Variants in KDM4C observed in about 807,000 individuals in gnomAD.
The protein encoded by KDM4C is lysine demethylase 4C.
KDM4C carries 81 observed loss-of-function variants against 129.3 expected under a neutral mutation model. That is an observed-to-expected ratio of 0.63 (90% confidence interval 0.52 to 0.75). KDM4C has a LOEUF of 0.75. KDM4C is among the 30% of genes least tolerant of loss of function. KDM4C has a pLI of 0.00. For missense variants in KDM4C, 1,457 were observed against 1,304.0 expected (o/e 1.12, Z -1.81); for synonymous variants, 573 against 456.1 (o/e 1.26, Z -3.26).
At chr9:6,993,697 G>A (rs1048091116) in intron 12 of KDM4C, among the ~76,000 whole-genome samples, 3 of 152,150 alleles carry the variant, frequency 2.0e-5, no homozygotes, top group African/African-American at 7.2e-5. Flanking sequence ...CTCTGGCCAT[G>A]GAACGTACTA....
At chr9:6,726,582 G>A (rs1817138921) in intron 1 of KDM4C, 1 of 152,384 alleles carries the variant, frequency 6.6e-6, no homozygotes, top group East Asian at 1.9e-4. Flanking sequence ...TGGCTACCAT[G>A]GTCACCCTCC....
rs199601028 is a variant in KDM4C at position 6,732,089 on chromosome 9, T to C, written c.49+11092T>C. Among the ~76,000 whole-genome samples, 116 of 152,068 alleles carry C rather than the reference T, an allele frequency of 7.6e-4. 1 individual carries two copies. In the East Asian group the frequency reaches 0.011, roughly 14 times the overall value. ...ATAGATCAAAGAATGAGGCTGGGGC[T>C]GGGTGTGGTGGCTCACATCTGTAAT... On this transcript the variant is annotated intron_variant, in intron 1 of 17. Transcript: ENST00000536108.
At chr9:7,018,386 A>G (rs534899462) in intron 15 of KDM4C, among the ~76,000 whole-genome samples, 1 of 152,360 alleles carries the variant, frequency 6.6e-6, no homozygotes, top group South Asian at 2.1e-4. Flanking sequence ...TGTGATTATT[A>G]TGTTAATAAA....
intron 2 of KDM4C, among the ~76,000 whole-genome samples, chr9:6,796,990 T>TG (rs1224203708): frequency 3.5e-5 from 4 of 115,052 alleles, no homozygotes; most frequent in Admixed American, 2.4e-4. Flanking sequence ...GTTAATGCAC[T>TG]ATTTTTTTTT....
At chr9:6,898,645 A>G (rs941633353) in intron 8 of KDM4C, among the ~76,000 whole-genome samples, 1 of 152,208 alleles carries the variant, frequency 6.6e-6, no homozygotes, top group Non-Finnish European at 1.5e-5. Context: ...GAGATGATAG[A>G]ATTTTAAAAC....
chr9:7,098,054 C>G (rs1437602518), intron 17 of KDM4C, among the ~76,000 whole-genome samples: 1 of 152,250 alleles, frequency 6.6e-6, no homozygotes, highest in Non-Finnish European at 1.5e-5. Flanking sequence ...CAAAGTATGA[C>G]TGTGCTGTTG....
chr9:6,976,501 C>T (rs1184903558), intron 8 of KDM4C, among the ~76,000 whole-genome samples: 1 of 152,120 alleles, frequency 6.6e-6, no homozygotes, highest in Non-Finnish European at 1.5e-5. Context: ...GTTCTTAAAG[C>T]CATTGAACAT....
chr9:7,128,448 G>C (rs1039641570), intron 19 of KDM4C, among the ~76,000 whole-genome samples: 1 of 151,882 alleles, frequency 6.6e-6, no homozygotes, highest in Admixed American at 6.6e-5. Flanking sequence ...AGAAATAAGG[G>C]AGCAGCCCTC....
chr9:7,086,080 C>G (rs7867658), intron 17 of KDM4C, among the ~76,000 whole-genome samples: 106 of 152,262 alleles, frequency 7.0e-4, no homozygotes, highest in African/African-American at 2.4e-3. Flanking sequence ...ATTGCTTGAA[C>G]CCAGGAGGCG....
chr9:6,934,262 A>G (rs1824310010), intron 8 of KDM4C, among the ~76,000 whole-genome samples: 1 of 151,836 alleles, frequency 6.6e-6, no homozygotes, highest in African/African-American at 2.4e-5. Flanking sequence ...CAGGCTGATC[A>G]TGAAGTCAGG....
chr9:7,066,805 A>G (rs1169169209), intron 17 of KDM4C, among the ~76,000 whole-genome samples: 1 of 152,220 alleles, frequency 6.6e-6, no homozygotes, highest in Non-Finnish European at 1.5e-5. Context: ...TAAACTGAGT[A>G]GTGCTGCAGA....
intron 17 of KDM4C, 150 bp from the exon 18 acceptor site, chr9:7,103,535 C>T: frequency 1.6e-6 from 1 of 617,732 alleles, no homozygotes; most frequent in Non-Finnish European, 2.8e-6. Flanking sequence ...ATGCTGTCAC[C>T]ACTAGGGCCC....
In KDM4C at chr9:7,128,147, A is replaced by G. The variant is rs1406479369; in HGVS notation, c.2692A>G (p.Arg898Gly). Residue 898 changes from arginine (R) to glycine (G), a missense_variant, in exon 19 of 22, where the codon AGA becomes GGA. By Grantham distance (125) the Arg-to-Gly change is moderately radical (BLOSUM62 -2). Coordinates refer to ENST00000381309, the MANE Select transcript of KDM4C (RefSeq NM_015061.6). ...KHRNTRYYSC[R>G]VMAVTSQTFY... The stretch of plus-strand genomic sequence containing the variant: ...TCGGAACACCCGGTATTACAGTTGC[A>G]GAGTGATGGCTGTGACATCGCAGAC... The G allele has an allele frequency of 5.0e-6, 8 of 1,613,310 alleles. No individual in the cohort carries two copies. The highest frequency in any genetic ancestry group is 6.8e-6 in the Non-Finnish European group (8 of 1,179,718).
At chr9:7,156,047 C>T (rs1196475827) in intron 19 of KDM4C, among the ~76,000 whole-genome samples, 1 of 152,190 alleles carries the variant, frequency 6.6e-6, no homozygotes. Flanking sequence ...TAATGATCAC[C>T]ATTCTAACTG....
chr9:6,880,012 G>T lies in KDM4C; in HGVS notation c.630G>T (p.Trp210Cys). The T allele has an allele frequency of 6.4e-7, 1 of 1,555,458 alleles. No homozygotes were observed. The highest frequency in any genetic ancestry group is 8.7e-7 in the Non-Finnish European group (1 of 1,143,508). The change falls in exon 6 of 22, where the codon TGG becomes TGT. Residue 210 changes from tryptophan to cysteine, a missense_variant and splice_region_variant. Transcript: ENST00000381309. ...NYLHFGEPKS[W>C]YAIPPEHGKR... Reference sequence around the variant, plus strand: ...TTTTTACTTATGTTTAAAATTTTAGGTATGCTATACCTCCGGAGCATGGAA... The same window carrying T: ...TTTTTACTTATGTTTAAAATTTTAGTTATGCTATACCTCCGGAGCATGGAA...
chr9:6,752,825 A>C (rs549126552), upstream of KDM4C, among the ~76,000 whole-genome samples: 1 of 152,314 alleles, frequency 6.6e-6, no homozygotes, highest in South Asian at 2.1e-4. Context: ...GAGACTTTAT[A>C]AAAATAGCAA....
intron 19 of KDM4C, among the ~76,000 whole-genome samples, chr9:7,134,380 T>TA (rs1010124499): frequency 3.3e-5 from 5 of 152,142 alleles, no homozygotes; most frequent in Non-Finnish European, 7.4e-5. Flanking sequence ...AATATTTGCA[T>TA]AAAAAAAGAA....
intron 5 of KDM4C, among the ~76,000 whole-genome samples, chr9:6,856,601 TCTCA>T (rs1839890868): frequency 1.3e-5 from 2 of 149,354 alleles, no homozygotes; most frequent in Non-Finnish European, 3.0e-5. Context: ...TGAGACAGAG[TCTCA>T]CTCTGTTTCC....
chr9:6,996,320 C>G (rs1272953925), intron 12 of KDM4C, among the ~76,000 whole-genome samples: 1 of 152,236 alleles, frequency 6.6e-6, no homozygotes, highest in Non-Finnish European at 1.5e-5. Flanking sequence ...AGTATCTGAA[C>G]ATGTGCTTTA....
Sources: gnomAD v4.1 joint callset for allele counts (sites outside exome capture counted in the v4.1 genomes callset) on GRCh38, gnomAD v4.1.1 for gene constraint, MANE v1.5 for transcripts, NCBI Gene and HGNC (gene_info 2026-07-23, HGNC 2026-07-21) for gene names.